Variants in CD2AP observed in about 807,000 individuals in gnomAD.
The protein encoded by CD2AP is CD2-associated protein.
A neutral mutation model predicts 85.1 loss-of-function variants in CD2AP; 46 were observed. The observed-to-expected ratio is 0.54, with a 90% CI of 0.43 to 0.69. CD2AP has a LOEUF of 0.69. Among genes scored for constraint, CD2AP ranks in the 30% least tolerant of loss-of-function variants. The pLI is 0.00. For missense variants in CD2AP, 769 were observed against 729.5 expected, an observed-to-expected ratio of 1.05 and a Z score of -0.62; for synonymous variants, 255 against 252.9, an observed-to-expected ratio of 1.01 and a Z score of -0.08.
At chr6:47,549,914 C>G (rs952173695) in intron 4 of CD2AP, among the ~76,000 whole-genome samples, 2 of 152,152 alleles carry the variant, frequency 1.3e-5, no homozygotes, top group Non-Finnish European at 2.9e-5. Context: ...CAAATACTTA[C>G]AGCTAACTGA....
At chr6:47,549,757 G>A (rs893009809) in intron 4 of CD2AP, among the ~76,000 whole-genome samples, 1 of 151,802 alleles carries the variant, frequency 6.6e-6, no homozygotes, top group African/African-American at 2.4e-5. Flanking sequence ...GCCAAAGCAG[G>A]ACTAAGCAAA....
chr6:47,615,881 T>G (rs909861375), intron 17 of CD2AP, among the ~76,000 whole-genome samples: 1 of 151,150 alleles, frequency 6.6e-6, no homozygotes, highest in Non-Finnish European at 1.5e-5. Context: ...CTGAGTTCAC[T>G]CCGTTCTCCC....
At chr6:47,597,451 A>G (rs1768982662) in intron 12 of CD2AP, among the ~76,000 whole-genome samples, 1 of 150,710 alleles carries the variant, frequency 6.6e-6, no homozygotes, top group African/African-American at 2.4e-5. Context: ...AAAAAAAGCT[A>G]ATCATGACCT....
chr6:47,517,495 G>T (rs566873087), intron 2 of CD2AP, among the ~76,000 whole-genome samples: 6 of 152,084 alleles, frequency 3.9e-5, no homozygotes, highest in Admixed American at 1.3e-4. Context: ...TTGCCATGTT[G>T]CCCAGGCTGG....
At chr6:47,532,420 C>T (rs4715027) in intron 2 of CD2AP, among the ~76,000 whole-genome samples, 90,704 of 146,812 alleles carry the variant, frequency 0.62, 28,349 homozygotes, top group Middle Eastern at 0.75. Context: ...CACACACACA[C>T]AATACTTGCC....
chr6:47,586,934 A>G (rs1171765308), intron 11 of CD2AP, among the ~76,000 whole-genome samples: 3 of 152,318 alleles, frequency 2.0e-5, no homozygotes, highest in South Asian at 2.1e-4. Context: ...AAAGGAAATG[A>G]TTCTAAGTAT....
intron 2 of CD2AP, among the ~76,000 whole-genome samples, chr6:47,510,119 G>T (rs570455946): frequency 2.4e-4 from 36 of 152,206 alleles, no homozygotes; most frequent in African/African-American, 7.7e-4. Context: ...AGTTTAATCT[G>T]GGATTAAAAA....
intron 11 of CD2AP, among the ~76,000 whole-genome samples, chr6:47,583,784 A>C (rs192293436): frequency 6.6e-4 from 101 of 152,274 alleles, no homozygotes; most frequent in African/African-American, 2.3e-3. Flanking sequence ...TACCAAGGAG[A>C]GGGATTACCT....
rs151064033 is a variant in CD2AP, at chr6:47,626,468, A to G, written c.*2241A>G. On this transcript the variant is annotated 3_prime_UTR_variant, in exon 18 of 18. Transcript: ENST00000359314. ...ATGAATTTTTTTTCTACGTGTGAGT[A>G]TAAAAGACAAAAGTTGAACAGCATG... is the stretch of plus-strand genomic sequence containing the variant. The G allele has an allele frequency of 1.3e-5, 2 of 152,402 alleles. No homozygotes were observed. 9.4% of individuals were successfully genotyped at this position (152,402 alleles called of 1,614,324 possible).
At chr6:47,508,967 C>T (rs1438179284) in intron 2 of CD2AP, among the ~76,000 whole-genome samples, 4 of 152,178 alleles carry the variant, frequency 2.6e-5, no homozygotes, top group Admixed American at 6.5e-5. Flanking sequence ...GGTGTAAGGG[C>T]CTAGCTTTTG....
At chr6:47,528,244 G>C (rs956937938) in intron 2 of CD2AP, among the ~76,000 whole-genome samples, 2 of 152,128 alleles carry the variant, frequency 1.3e-5, no homozygotes, top group African/African-American at 4.8e-5. Flanking sequence ...CTGTGATCTT[G>C]GCTCACTGCA....
intron 4 of CD2AP, among the ~76,000 whole-genome samples, chr6:47,552,217 G>C (rs1767546868): frequency 6.6e-6 from 1 of 152,016 alleles, no homozygotes; most frequent in African/African-American, 2.4e-5. Flanking sequence ...TTCTTTAGTG[G>C]TGATTCCTGA....
intron 5 of CD2AP, 68 bp from the exon 6 acceptor site, chr6:47,573,996 A>G (rs1768229787): frequency 2.2e-6 from 3 of 1,334,088 alleles, no homozygotes; most frequent in Admixed American, 1.7e-5. Flanking sequence ...GAATGTAGAC[A>G]TTATGACAGG....
At chr6:47,614,705 A>G (rs1340626301) in intron 17 of CD2AP, among the ~76,000 whole-genome samples, 2 of 152,234 alleles carry the variant, frequency 1.3e-5, no homozygotes, top group African/African-American at 4.8e-5. Flanking sequence ...CAGGATTACC[A>G]CAAGCCTTTG....
At chr6:47,538,625 G>A (rs1039338206) in intron 3 of CD2AP, among the ~76,000 whole-genome samples, 1 of 152,068 alleles carries the variant, frequency 6.6e-6, no homozygotes, top group Admixed American at 6.5e-5. Flanking sequence ...TTTTTTTCCA[G>A]AGCCAACTGG....
intron 5 of CD2AP, among the ~76,000 whole-genome samples, chr6:47,567,582 T>A (rs1353848891): frequency 1.3e-5 from 2 of 152,132 alleles, no homozygotes; most frequent in African/African-American, 4.8e-5. Context: ...GCAATAAATG[T>A]ATATAAGTGG....
intron 11 of CD2AP, among the ~76,000 whole-genome samples, chr6:47,595,346 C>G (rs1421401344): frequency 1.3e-5 from 2 of 152,054 alleles, no homozygotes; most frequent in Admixed American, 1.3e-4. Flanking sequence ...CTATAATTCT[C>G]TCGTCTGTGG....
At chr6:47,485,211 A>G (rs1157437713) in intron 1 of CD2AP, among the ~76,000 whole-genome samples, 2 of 152,164 alleles carry the variant, frequency 1.3e-5, no homozygotes, top group Admixed American at 1.3e-4. Context: ...AAACATCCTC[A>G]GGCAGGTCCT....
intron 13 of CD2AP, among the ~76,000 whole-genome samples, chr6:47,602,220 GA>G (rs980362715): frequency 1.2e-3 from 184 of 151,816 alleles, no homozygotes; most frequent in African/African-American, 4.3e-3. Context: ...AGAACACTCA[GA>G]TTTTCTTTTT....
Sources: gnomAD v4.1 joint callset for allele counts (sites outside exome capture counted in the v4.1 genomes callset) on GRCh38, gnomAD v4.1.1 for gene constraint, MANE v1.5 for transcripts, NCBI Gene and HGNC (gene_info 2026-07-23, HGNC 2026-07-21) for gene names.